Variants in THSD4 observed in about 807,000 individuals in gnomAD.
THSD4 encodes thrombospondin type-1 domain-containing protein 4.
A neutral mutation model predicts 119.0 loss-of-function variants in THSD4; 69 were observed. That is an observed-to-expected ratio of 0.58 (90% confidence interval 0.48 to 0.71). The LOEUF is 0.71. Ranked by LOEUF, THSD4 falls within the 30% of genes least tolerant of loss-of-function variation. The probability of loss-of-function intolerance (pLI) is 0.00; values close to 1 mark genes in which losing one functional copy is unlikely to be tolerated. For synonymous variants in THSD4, 524 were observed against 540.4 expected (o/e 0.97, Z 0.42); for missense variants, 1,393 against 1,391.1 (o/e 1.00, Z -0.02).
chr15:71,678,840 T>C (rs1470744291), intron 8 of THSD4, among the ~76,000 whole-genome samples: 1 of 152,238 alleles, frequency 6.6e-6, no homozygotes, highest in Non-Finnish European at 1.5e-5. Context: ...ATGTTCTTCC[T>C]TGGAAAATGT....
At chr15:71,670,826 C>T (rs915306094) in intron 8 of THSD4, among the ~76,000 whole-genome samples, 3 of 149,858 alleles carry the variant, frequency 2.0e-5, no homozygotes, top group Non-Finnish European at 4.5e-5. Context: ...GACATGAACT[C>T]ATCCTTTTTT....
At chr15:71,148,057 T>C (rs2040681637) in intron 2 of THSD4, among the ~76,000 whole-genome samples, 1 of 150,302 alleles carries the variant, frequency 6.7e-6, no homozygotes, top group Non-Finnish European at 1.5e-5. Context: ...TACAAATGGC[T>C]GCAAGACCTG....
At position 71,702,549 on chromosome 15, in the gene THSD4, G is replaced by A. The variant is rs561199675; in HGVS notation, c.1358-26000G>A. Among the ~76,000 whole-genome samples the A allele has an allele frequency of 3.3e-5, 5 of 152,230 alleles. No individual in the cohort carries two copies. In the East Asian group the frequency reaches 9.7e-4, roughly 29 times the overall value. ...GTGAGCCAACTTCTGCCCCTCCTAT[G>A]CAGAATGTTACTTGAGAATGCTATT... On this transcript the variant is annotated intron_variant, in intron 8 of 17. Transcript: ENST00000261862.
At position 71,292,700 on chromosome 15, in the gene THSD4, G is replaced by T. The variant is rs1211929782; in HGVS notation, c.1015+35985G>T. Among the ~76,000 whole-genome samples the T allele has an allele frequency of 5.7e-5, 8 of 140,418 alleles. No homozygotes were observed. The East Asian group carries it at 6.2e-4, about 11-fold the overall frequency. The allele number at this position is 140,418 out of a possible 152,430, so 92.1% of individuals were successfully genotyped here. ...ATTTTTTTTTTTTTTTTTTTGAGACGGAGTCTTGCTCTGTCGCCCAGGCTG... is the reference window on the plus strand; with the variant it reads ...ATTTTTTTTTTTTTTTTTTTGAGACTGAGTCTTGCTCTGTCGCCCAGGCTG... On this transcript the variant is annotated intron_variant, in intron 6 of 17. Coordinates refer to ENST00000261862, the MANE Select transcript of THSD4 (RefSeq NM_024817.3).
chr15:71,446,479 T>A lies in THSD4; in HGVS notation c.1152+34656T>A, dbSNP rs145623245. Among the ~76,000 whole-genome samples, 280 of 152,350 alleles carry A rather than the reference T, an allele frequency of 1.8e-3. 1 individual carries two copies. The highest frequency in any genetic ancestry group is 6.5e-3 in the African/African-American group (272 of 41,588). On this transcript the variant is annotated intron_variant, in intron 7 of 17. Coordinates refer to ENST00000261862, the MANE Select transcript of THSD4 (RefSeq NM_024817.3). ...ACTATCTTACCTTATACGTTGGTCT[T>A]GAATACCTCTAGTTTTCCAAACAAG...
At chr15:71,605,116 C>T (rs1218094075) in intron 7 of THSD4, among the ~76,000 whole-genome samples, 3 of 152,058 alleles carry the variant, frequency 2.0e-5, no homozygotes, top group Non-Finnish European at 4.4e-5. Context: ...GCATCTCTTA[C>T]ATGTTTAAGA....
At chr15:71,496,368 C>T (rs1292357384) in intron 7 of THSD4, among the ~76,000 whole-genome samples, 2 of 152,096 alleles carry the variant, frequency 1.3e-5, no homozygotes, top group African/African-American at 2.4e-5. Flanking sequence ...ATAATCATGG[C>T]CTATAGTCCC....
intron 6 of THSD4, among the ~76,000 whole-genome samples, chr15:71,373,848 C>T (rs540903517): frequency 6.6e-6 from 1 of 152,178 alleles, no homozygotes; most frequent in Non-Finnish European, 1.5e-5. Context: ...GTGAGTGTTT[C>T]TTGGAGAAAG....
chr15:71,585,786 G>A (rs1422694457), intron 7 of THSD4, among the ~76,000 whole-genome samples: 1 of 152,000 alleles, frequency 6.6e-6, no homozygotes, highest in Non-Finnish European at 1.5e-5. Flanking sequence ...CTTTTTGTGT[G>A]TGTGTGTGCC....
intron 3 of THSD4, among the ~76,000 whole-genome samples, chr15:71,200,407 C>T (rs768838574): frequency 5.3e-5 from 8 of 152,060 alleles, no homozygotes; most frequent in Non-Finnish European, 1.0e-4. Context: ...GAGCTTTTCA[C>T]GTCATCAGAT....
intron 6 of THSD4, among the ~76,000 whole-genome samples, chr15:71,273,302 A>G (rs2044554608): frequency 6.6e-6 from 1 of 152,220 alleles, no homozygotes; most frequent in Non-Finnish European, 1.5e-5. Flanking sequence ...AGAAAGATGA[A>G]TATTAGATGA....
intron 7 of THSD4, among the ~76,000 whole-genome samples, chr15:71,435,750 G>A (rs1178979600): frequency 6.6e-6 from 1 of 152,136 alleles, no homozygotes; most frequent in Non-Finnish European, 1.5e-5. Flanking sequence ...GGCCACATGG[G>A]GGTGCCTCTA....
intron 7 of THSD4, among the ~76,000 whole-genome samples, chr15:71,491,629 T>C (rs2140700554): frequency 6.6e-6 from 1 of 152,250 alleles, no homozygotes; most frequent in African/African-American, 2.4e-5. Flanking sequence ...CCCAACACTT[T>C]AGGGGGCCCA....
chr15:71,491,454 C>G (rs575537073), intron 7 of THSD4, among the ~76,000 whole-genome samples: 1 of 152,216 alleles, frequency 6.6e-6, no homozygotes, highest in Non-Finnish European at 1.5e-5. Flanking sequence ...CTAGCACGCT[C>G]AGCCCCCTCA....
At chr15:71,438,881 T>TG (rs1214515282) in intron 7 of THSD4, among the ~76,000 whole-genome samples, 3 of 152,230 alleles carry the variant, frequency 2.0e-5, no homozygotes, top group Non-Finnish European at 4.4e-5. Context: ...TTTAGGTACC[T>TG]TAACAAGACT....
At chr15:71,307,488 C>T (rs2045046538) in intron 6 of THSD4, among the ~76,000 whole-genome samples, 1 of 152,188 alleles carries the variant, frequency 6.6e-6, no homozygotes, top group Non-Finnish European at 1.5e-5. Context: ...AAAACCCATT[C>T]AGGCCAGGCA....
intron 7 of THSD4, among the ~76,000 whole-genome samples, chr15:71,540,874 C>T (rs955559326): frequency 6.6e-6 from 1 of 151,780 alleles, no homozygotes; most frequent in Non-Finnish European, 1.5e-5. Context: ...AAGCACGTGC[C>T]ACCACACTCA....
At chr15:71,260,365 A>G (rs1429645660) in intron 6 of THSD4, among the ~76,000 whole-genome samples, 2 of 152,192 alleles carry the variant, frequency 1.3e-5, no homozygotes, top group Non-Finnish European at 2.9e-5. Context: ...ATAAGCTCCT[A>G]TGTACCCACT....
chr15:71,674,466 C>T (rs1389895928), intron 8 of THSD4, among the ~76,000 whole-genome samples: 1 of 152,156 alleles, frequency 6.6e-6, no homozygotes, highest in Non-Finnish European at 1.5e-5. Context: ...CCATATCTCC[C>T]TGGATCAGTG....
Sources: allele counts gnomAD v4.1 joint callset (sites outside exome capture counted in the v4.1 genomes callset), GRCh38; gene constraint gnomAD v4.1.1; transcripts MANE v1.5; gene names NCBI Gene and HGNC (gene_info 2026-07-23, HGNC 2026-07-21).